STRIP1: variants seen among roughly 807,000 people sequenced by gnomAD.
The protein encoded by STRIP1 is striatin interacting protein 1, also known as striatin-interacting protein 1.
Under a neutral mutation model 106.2 loss-of-function variants are expected in STRIP1, and 63 were observed. That is an observed-to-expected ratio of 0.59 (90% CI 0.48 to 0.73). STRIP1 has a LOEUF of 0.73. Ranked by LOEUF, STRIP1 falls within the 30% of genes least tolerant of loss-of-function variation. STRIP1 has a pLI of 0.00. For synonymous variants in STRIP1, 390 were observed against 413.0 expected (o/e 0.94, Z 0.67); for missense variants, 857 against 1,074.8 (o/e 0.80, Z 2.83).
At chr1:110,035,134 G>T (rs1478913632) in intron 1 of STRIP1, among the ~76,000 whole-genome samples, 2 of 152,200 alleles carry the variant, frequency 1.3e-5, no homozygotes, top group Non-Finnish European at 2.9e-5. Flanking sequence ...CCCCAGCTCG[G>T]GGGTGAGGAG....
intron 6 of STRIP1, 132 bp downstream of exon 6, chr1:110,040,835 CAG>C (rs2101770232): frequency 1.4e-6 from 1 of 733,802 alleles, no homozygotes; most frequent in East Asian, 2.9e-5. Context: ...GTGATGGGCT[CAG>C]TGTGAATGAT....
intron 15 of STRIP1, chr1:110,048,079 T>C (rs1488830955): frequency 1.8e-6 from 1 of 551,066 alleles, no homozygotes; most frequent in Non-Finnish European, 3.3e-6. Flanking sequence ...TAGTGTAGAC[T>C]CTACCACTGA....
chr1:110,045,514 C>T (rs1317271306), intron 12 of STRIP1: 3 of 147,374 alleles, frequency 2.0e-5, no homozygotes. Flanking sequence ...GATTATATTA[C>T]TTGACAGTTG....
At chr1:110,047,417 G>C in intron 13 of STRIP1, 125 bp from the exon 14 acceptor site, 1 of 716,598 alleles carries the variant, frequency 1.4e-6, no homozygotes, top group Non-Finnish European at 2.5e-6. Context: ...AGGGTTTGCT[G>C]TTATCATCAT....
intron 12 of STRIP1, among the ~76,000 whole-genome samples, 164 bp from the exon 13 acceptor site, chr1:110,046,516 A>G (rs945482605): frequency 2.6e-5 from 4 of 152,030 alleles, no homozygotes; most frequent in Non-Finnish European, 5.9e-5. Flanking sequence ...ATAAAAATAA[A>G]AAATATCTGG....
At chr1:110,042,415 C>T (rs1266220495) in intron 8 of STRIP1, among the ~76,000 whole-genome samples, 1 of 152,132 alleles carries the variant, frequency 6.6e-6, no homozygotes, top group Non-Finnish European at 1.5e-5. Context: ...CATGGGGAGG[C>T]GGTGGAGGTG....
chr1:110,035,868 CAT>C (rs1224796300), intron 1 of STRIP1, among the ~76,000 whole-genome samples: 1 of 152,154 alleles, frequency 6.6e-6, no homozygotes, highest in African/African-American at 2.4e-5. Context: ...CCTGAGAAAA[CAT>C]GTCAACAATT....
intron 1 of STRIP1, 62 bp from the exon 2 acceptor site, chr1:110,037,829 C>A: frequency 8.6e-7 from 1 of 1,166,652 alleles, no homozygotes; most frequent in Non-Finnish European, 1.3e-6. Flanking sequence ...CATCTCGAAG[C>A]ATGAGTTTCT....
At chr1:110,044,540 T>C (rs1652926677) in intron 10 of STRIP1, among the ~76,000 whole-genome samples, 1 of 152,374 alleles carries the variant, frequency 6.6e-6, no homozygotes, top group South Asian at 2.1e-4. Context: ...AGAAAGTCTG[T>C]TGACAAACTT....
Position 110,038,092 on chromosome 1 carries a change from A to G in STRIP1, c.250+132A>G, listed in dbSNP as rs1466223408. The G allele has an allele frequency of 7.3e-4, 117 of 160,398 alleles. 18 individuals are homozygous for G. The highest frequency in any genetic ancestry group is 2.8e-3 in the South Asian group (14 of 5,018). 9.9% of individuals were successfully genotyped at this position (160,398 alleles called of 1,614,324 possible). ...ATCAAATATATATATATATATATAT[A>G]TATATATATATATATATATATGTAT... On this transcript the variant is annotated intron_variant, in intron 2 of 20. Coordinates refer to ENST00000369795, the MANE Select transcript of STRIP1 (RefSeq NM_033088.4).
chr1:110,049,447 C>A lies in STRIP1; in HGVS notation c.1789-13C>A. 1.4e-6 allele frequency: 2 copies of A among 1,405,034 alleles called. No homozygotes were observed. The highest frequency in any genetic ancestry group is 1.9e-6 in the Non-Finnish European group (2 of 1,031,394). The allele number at this position is 1,405,034 out of a possible 1,614,324, so 87.0% of individuals were successfully genotyped here. On this transcript the variant is annotated splice_polypyrimidine_tract_variant and intron_variant, in intron 16 of 20. Transcript: ENST00000369795. ...GCGCCTTTTTTTTTTTTTTTTTTTC[C>A]TGTTGGCTTCAGTTTGAATACATGG...
At chr1:110,046,530 T>C in intron 12 of STRIP1, 150 bp from the exon 13 acceptor site, 1 of 656,884 alleles carries the variant, frequency 1.5e-6, no homozygotes, top group Admixed American at 2.4e-5. Flanking sequence ...TATCTGGGGT[T>C]TGGGATTTTA....
intron 6 of STRIP1, 94 bp from the exon 7 acceptor site, chr1:110,041,442 T>G (rs560796214): frequency 1.3e-6 from 1 of 785,576 alleles, no homozygotes; most frequent in Admixed American, 2.3e-5. Context: ...TTATTAATAG[T>G]AAGCCCCTGC....
rs200485650 is a variant in STRIP1 at position 110,043,768 on chromosome 1, C to A, written c.1198C>A (p.Arg400=). ...SLEGETFPLE[R]DEVMPPPLQH... is the part of the protein sequence containing the mutation. ...GGAGGGGGAGACGTTTCCCCTGGAACGGGATGAAGTGATGCCTCCCCCGCT... is the reference window on the plus strand; with the variant it reads ...GGAGGGGGAGACGTTTCCCCTGGAAAGGGATGAAGTGATGCCTCCCCCGCT... The change falls in exon 10 of 21, where the codon CGG becomes AGG. Residue 400 remains arginine, a synonymous_variant. Coordinates refer to ENST00000369795, the MANE Select transcript of STRIP1 (RefSeq NM_033088.4). 1 of 1,614,024 alleles carries A rather than the reference C, an allele frequency of 6.2e-7. No individual in the cohort carries two copies. Among genetic ancestry groups the A allele is most frequent in the Non-Finnish European group, 8.5e-7 (1 of 1,180,010 alleles).
intron 2 of STRIP1, 45 bp downstream of exon 2, chr1:110,038,005 AT>A: frequency 7.9e-7 from 1 of 1,259,588 alleles, no homozygotes; most frequent in Non-Finnish European, 1.1e-6. Flanking sequence ...TTTTTTCCTT[AT>A]TGGTCTTTAA....
intron 15 of STRIP1, 141 bp downstream of exon 15, chr1:110,048,010 T>C (rs1653113668): frequency 5.7e-6 from 4 of 703,186 alleles, no homozygotes; most frequent in Admixed American, 5.2e-5. Flanking sequence ...AAAAGGAAAC[T>C]ACGAGATTAA....
chr1:110,043,568 C>T (rs888921676), intron 9 of STRIP1, 71 bp from the exon 10 acceptor site: 206 of 1,352,628 alleles, frequency 1.5e-4, no homozygotes, highest in Non-Finnish European at 1.9e-4. Flanking sequence ...TGTGCTGTGT[C>T]TCCTCTGGCT....
At chr1:110,038,659 G>A (rs751871661) in intron 2 of STRIP1, 24 bp from the exon 3 acceptor site, 5 of 1,608,384 alleles carry the variant, frequency 3.1e-6, no homozygotes, top group Non-Finnish European at 3.4e-6. Flanking sequence ...TGGAACCAAT[G>A]GTGACGAGAC....
At position 110,039,454 on chromosome 1, in the gene STRIP1, T is replaced by C; in HGVS notation, c.520T>C (p.Phe174Leu). Residue 174 changes from phenylalanine to leucine, a missense_variant, in exon 5 of 21, where the codon TTT becomes CTT. Phe to Leu is a conservative substitution (Grantham distance 22). This residue lies in a region of STRIP1 where 750 missense variants were observed against 989.8 expected (regional missense o/e 0.76). Coordinates refer to ENST00000369795, the MANE Select transcript of STRIP1 (RefSeq NM_033088.4). ...GCAGTCCTGGATGCGCTACAACATCTTTCTCCTCCTGGAGGTGGGCACGTT... is the reference window on the plus strand; with the variant it reads ...GCAGTCCTGGATGCGCTACAACATCCTTCTCCTCCTGGAGGTGGGCACGTT... ...EVQSWMRYNI[F>L]LLLEVGTFNA... is the part of the protein sequence containing the mutation. The C allele has an allele frequency of 1.2e-6, 2 of 1,613,306 alleles. No homozygotes were observed. Among genetic ancestry groups the C allele is most frequent in the Non-Finnish European group, 1.7e-6 (2 of 1,179,716 alleles).
Sources: allele counts gnomAD v4.1 joint callset (sites outside exome capture counted in the v4.1 genomes callset), GRCh38; gene constraint gnomAD v4.1.1; regional missense constraint gnomAD v4.1.1; transcripts MANE v1.5; gene names NCBI Gene and HGNC (gene_info 2026-07-23, HGNC 2026-07-21).